Variants in RBAK observed in about 807,000 individuals in gnomAD.
The protein encoded by RBAK is RB associated KRAB zinc finger, also known as RB-associated KRAB zinc finger protein.
In RBAK, 39 loss-of-function variants were observed where a neutral mutation model predicts 65.8. That is an observed-to-expected ratio of 0.59 (90% CI 0.46 to 0.77). The LOEUF is 0.77. Among genes scored for constraint, RBAK ranks in the 30% least tolerant of loss-of-function variants. The pLI is 0.00. For missense variants in RBAK, 884 were observed against 855.1 expected, an observed-to-expected ratio of 1.03 and a Z score of -0.42; for synonymous variants, 343 against 289.7, an observed-to-expected ratio of 1.18 and a Z score of -1.87.
At chr7:5,057,238 C>T (rs1778945945) in intron 2 of RBAK, 57 bp from the exon 3 acceptor site, 11 of 1,610,858 alleles carry the variant, frequency 6.8e-6, no homozygotes, top group Middle Eastern at 1.7e-4. Flanking sequence ...CTTTGTAAAA[C>T]GTTATCCCCC....
At chr7:5,056,104 CTT>C (rs887932671) in intron 2 of RBAK, among the ~76,000 whole-genome samples, 45 of 107,894 alleles carry the variant, frequency 4.2e-4, no homozygotes, top group African/African-American at 1.1e-3. Context: ...TTGCATTTTT[CTT>C]TTTTTTTTTT....
rs1296107166 is a variant in RBAK at position 5,068,629 on chromosome 7, C to T, written c.*3028C>T. On this transcript the variant is annotated 3_prime_UTR_variant, in exon 5 of 5. Coordinates refer to ENST00000396912, the MANE Select transcript of RBAK (RefSeq NM_021163.4). ...GTACACTACTGGTGGAATTGCTCAT[C>T]GATAAAACCATTTTGAAAGCTGGCA... 2.0e-5 allele frequency: 3 copies of T among 152,142 alleles called. No homozygotes were observed. Among genetic ancestry groups the T allele is most frequent in the East Asian group, 1.9e-4 (1 of 5,198 alleles). 9.4% of individuals were successfully genotyped at this position (152,142 alleles called of 1,614,324 possible). A position where few individuals can be genotyped will look rare whatever the true frequency, so the allele number is the denominator to read the frequency against.
Position 5,064,855 on chromosome 7 carries a change from A to C in RBAK, c.1399A>C (p.Asn467His), listed in dbSNP as rs778475217. ...YECNECGKTF[N>H]LNSAFIRHRK... ...ATGTAATGAATGTGGCAAAACCTTC[A>C]ATTTAAATTCAGCCTTCATTAGACA... is the stretch of plus-strand genomic sequence containing the variant. The change falls in exon 5 of 5, where the codon AAT becomes CAT. Residue 467 changes from asparagine to histidine, a missense_variant. Coordinates refer to ENST00000396912, the MANE Select transcript of RBAK (RefSeq NM_021163.4). This position sits in a 1 kb window ranked among gnomAD's most constrained non-coding sequence, Gnocchi z 6.3. 5.6e-6 allele frequency: 9 copies of C among 1,613,586 alleles called. No homozygotes were observed. The highest frequency in any genetic ancestry group is 5.0e-5 in the Admixed American group (3 of 59,970).
intron 2 of RBAK, among the ~76,000 whole-genome samples, chr7:5,055,273 TGTGTGTGC>T (rs1004413019): frequency 4.8e-5 from 7 of 147,160 alleles, no homozygotes; most frequent in African/African-American, 1.9e-4. Context: ...TGTGTGTGTG[TGTGTGTGC>T]GTGCGTGTAT....
At position 5,067,411 on chromosome 7, in the gene RBAK, A is replaced by G. The variant is rs925818673; in HGVS notation, c.*1810A>G. 20 of 152,204 alleles carry G rather than the reference A, an allele frequency of 1.3e-4. No homozygotes were observed. The highest frequency in any genetic ancestry group is 7.2e-5 in the African/African-American group (3 of 41,464). 9.4% of individuals were successfully genotyped at this position (152,204 alleles called of 1,614,324 possible). A position where few individuals can be genotyped will look rare whatever the true frequency, so the allele number is the denominator to read the frequency against. On this transcript the variant is annotated 3_prime_UTR_variant, in exon 5 of 5. Coordinates refer to ENST00000396912, the MANE Select transcript of RBAK (RefSeq NM_021163.4). ...GCAATGCCACTTCAAAGATCCCTCA[A>G]GTGCCTAGAGGGAGAAAATGAGTTA...
intron 2 of RBAK, among the ~76,000 whole-genome samples, chr7:5,056,109 T>TC (rs1472582164): frequency 1.4e-5 from 2 of 146,098 alleles, no homozygotes; most frequent in Non-Finnish European, 3.0e-5. Flanking sequence ...TTTTTCTTTT[T>TC]TTTTTTTTTT....
Position 5,048,140 on chromosome 7 carries a change from C to T in RBAK, c.15+49C>T. 6.4e-7 allele frequency: 1 copy of T among 1,556,562 alleles called. No homozygotes were observed. Among genetic ancestry groups the T allele is most frequent in the Non-Finnish European group, 8.7e-7 (1 of 1,148,692 alleles). ...TGTTCCTCAACTTTATTTTATGATGCATTTTAAGAGGTTTGTAAGGATTCT... is the reference window on the plus strand; with the variant it reads ...TGTTCCTCAACTTTATTTTATGATGTATTTTAAGAGGTTTGTAAGGATTCT... On this transcript the variant is annotated intron_variant, in intron 2 of 4. Transcript: ENST00000396912. The surrounding 1 kb of genome is among the most constrained non-coding windows in gnomAD (Gnocchi z 4.4).
intron 4 of RBAK, among the ~76,000 whole-genome samples, chr7:5,061,554 G>C (rs1779071856): frequency 6.7e-6 from 1 of 148,654 alleles, no homozygotes; most frequent in African/African-American, 2.5e-5. Context: ...GCCTCCCAAA[G>C]TGCTAGGATT....
chr7:5,066,794 C>G lies in RBAK; in HGVS notation c.*1193C>G, dbSNP rs991028095. Reference sequence around the variant, plus strand: ...GTCAAAATAATAATGATTTCATTCTCTTTGCCAGTAACTTGTTTTATAGTG... The same window carrying G: ...GTCAAAATAATAATGATTTCATTCTGTTTGCCAGTAACTTGTTTTATAGTG... On this transcript the variant is annotated 3_prime_UTR_variant, in exon 5 of 5. Transcript: ENST00000396912. 4 of 152,164 alleles carry G rather than the reference C, an allele frequency of 2.6e-5. No homozygotes were observed. Among genetic ancestry groups the G allele is most frequent in the African/African-American group, 9.7e-5 (4 of 41,432 alleles). The allele number at this position is 152,164 out of a possible 1,614,324, so 9.4% of individuals were successfully genotyped here. A position where few individuals can be genotyped will look rare whatever the true frequency, so the allele number is the denominator to read the frequency against.
In RBAK at chr7:5,066,413, A is replaced by C. The variant is rs1001161061; in HGVS notation, c.*812A>C. The C allele has an allele frequency of 6.6e-6, 1 of 151,578 alleles. No homozygotes were observed. The highest frequency in any genetic ancestry group is 2.4e-5 in the African/African-American group (1 of 41,116). The allele number at this position is 151,578 out of a possible 1,614,324, so 9.4% of individuals were successfully genotyped here. A position where few individuals can be genotyped will look rare whatever the true frequency, so the allele number is the denominator to read the frequency against. ...TTCTAAAAGACTATTTTGATAAACT[A>C]TACATACATAATTTGGAATTGTTTA... On this transcript the variant is annotated 3_prime_UTR_variant, in exon 5 of 5. Transcript: ENST00000396912.
At position 5,069,303 on chromosome 7, in the gene RBAK, TG is replaced by T. The variant is rs1378676793; in HGVS notation, c.*3704del. 6.6e-6 allele frequency: 1 copy of T among 152,218 alleles called. No homozygotes were observed. The highest frequency in any genetic ancestry group is 1.5e-5 in the Non-Finnish European group (1 of 68,032). 9.4% of individuals were successfully genotyped at this position (152,218 alleles called of 1,614,324 possible). On this transcript the variant is annotated 3_prime_UTR_variant, in exon 5 of 5. Transcript: ENST00000396912. ...AAATACATATTTATAGTAATTTTGA[TG>T]GCAACTACTAAGATTTCCTACGCTG...
At position 5,065,005 on chromosome 7, in the gene RBAK, G is replaced by T. The variant is rs990654053; in HGVS notation, c.1549G>T (p.Gly517Trp). 1.9e-6 allele frequency: 3 copies of T among 1,614,016 alleles called. No homozygotes were observed. The East Asian group carries it at 6.7e-5, about 36-fold the overall frequency. ...GAAACCCTATGAATGTAATGAATGT[G>T]GGAAAACCTTCCTTGTAAATTCAGC... ...EEKPYECNEC[G>W]KTFLVNSAFD... The change falls in exon 5 of 5, where the codon GGG (glycine) becomes TGG (tryptophan). Residue 517 changes from glycine to tryptophan, a missense_variant. By Grantham distance (184) the Gly-to-Trp change is radical. Coordinates refer to ENST00000396912, the MANE Select transcript of RBAK (RefSeq NM_021163.4). This position sits in a 1 kb window ranked among gnomAD's most constrained non-coding sequence, Gnocchi z 5.3.
At chr7:5,060,213 T>C (rs1163211360) in intron 4 of RBAK, among the ~76,000 whole-genome samples, 2 of 152,208 alleles carry the variant, frequency 1.3e-5, no homozygotes, top group Non-Finnish European at 2.9e-5. Context: ...AGGCATTCAG[T>C]AGGTTTTTAT....
chr7:5,056,685 G>A (rs550506480), intron 2 of RBAK, among the ~76,000 whole-genome samples: 1 of 152,284 alleles, frequency 6.6e-6, no homozygotes, highest in East Asian at 1.9e-4. Flanking sequence ...CCAAGATTGA[G>A]ATGTTTGAGA....
rs147931465 is a variant in RBAK, at chr7:5,062,182, G to A, written c.239-1513G>A. Among the ~76,000 whole-genome samples, 415 of 152,194 alleles carry A rather than the reference G, an allele frequency of 2.7e-3. 2 individuals carry two copies. Among genetic ancestry groups the A allele is most frequent in the African/African-American group, 9.2e-3 (381 of 41,538 alleles). ...CCATAATGGAGTCTTTCCTTTGCAC[G>A]GACACCTAGCACCTGTTTTTGTTCC... On this transcript the variant is annotated intron_variant, in intron 4 of 4. Transcript: ENST00000396912.
chr7:5,047,760 T>C (rs531290482), intron 1 of RBAK, among the ~76,000 whole-genome samples: 2 of 152,170 alleles, frequency 1.3e-5, no homozygotes, highest in East Asian at 1.9e-4. Flanking sequence ...TGTGACACTA[T>C]GCCTGGCTAA....
rs1464148596 is a variant in RBAK at position 5,069,334 on chromosome 7, T to C, written c.*3733T>C. ...CTACTAAGATTTCCTACGCTGTCCT[T>C]AAAGCTTAGCATAATGTATATTTTA... On this transcript the variant is annotated 3_prime_UTR_variant, in exon 5 of 5. Transcript: ENST00000396912. 2 of 152,204 alleles carry C rather than the reference T, an allele frequency of 1.3e-5. No individual in the cohort carries two copies. Among genetic ancestry groups the C allele is most frequent in the Non-Finnish European group, 2.9e-5 (2 of 68,036 alleles). The allele number at this position is 152,204 out of a possible 1,614,324, so 9.4% of individuals were successfully genotyped here. A position where few individuals can be genotyped will look rare whatever the true frequency, so the allele number is the denominator to read the frequency against.
rs758964048 is a variant in RBAK, at chr7:5,065,535, C to T, written c.2079C>T (p.Ala693=). The change falls in exon 5 of 5, where the codon GCC becomes GCT. Residue 693 remains alanine (A), a synonymous_variant. Transcript: ENST00000396912. The surrounding 1 kb of genome is among the most constrained non-coding windows in gnomAD (Gnocchi z 5.3). ...ECGKKFHHRS[A]FNSHQRIHRR... is the part of the protein sequence containing the mutation. ...GGAAAAAATTCCACCACAGATCAGC[C>T]TTCAATAGCCATCAGAGAATTCATA... 3 of 1,588,098 alleles carry T rather than the reference C, an allele frequency of 1.9e-6. No homozygotes were observed. In the South Asian group the frequency reaches 3.5e-5, roughly 18 times the overall value.
chr7:5,057,655 C>G, intron 3 of RBAK, 29 bp from the exon 4 acceptor site: 1 of 1,613,266 alleles, frequency 6.2e-7, no homozygotes, highest in African/African-American at 1.3e-5. Context: ...AGCAGCTTCC[C>G]CAAGTCCTCC....
Sources: gnomAD v4.1 joint callset for allele counts (sites outside exome capture counted in the v4.1 genomes callset) on GRCh38, gnomAD v4.1.1 for gene constraint, Gnocchi (gnomAD v3.1) non-coding constraint, MANE v1.5 for transcripts, NCBI Gene and HGNC (gene_info 2026-07-23, HGNC 2026-07-21) for gene names.